Variants in CLTCL1 observed in about 807,000 individuals in gnomAD.
CLTCL1 encodes the protein clathrin heavy chain 2.
A neutral mutation model predicts 190.0 loss-of-function variants in CLTCL1; 159 were observed. The ratio of observed to expected loss-of-function variants is 0.84; its 90% CI spans 0.74 to 0.95. The LOEUF (loss-of-function observed/expected upper bound fraction) is 0.95, where lower values mean the gene tolerates loss of function less well. CLTCL1 is among the 40% of genes least tolerant of loss of function. The pLI is 0.00. For synonymous variants in CLTCL1, 752 were observed against 769.6 expected (o/e 0.98, Z 0.38); for missense variants, 1,878 against 2,033.4 (o/e 0.92, Z 1.47).
intron 19 of CLTCL1, among the ~76,000 whole-genome samples, chr22:19,211,074 G>C (rs1022997960): frequency 1.8e-5 from 2 of 114,068 alleles, no homozygotes; most frequent in Non-Finnish European, 3.4e-5. Context: ...AATTATAATA[G>C]ATGCATTCTT....
rs375719666 is a variant in CLTCL1 at position 19,188,057 on chromosome 22, C to T, written c.4358G>A (p.Arg1453Gln). Residue 1453 changes from arginine to glutamine, a missense_variant, in exon 28 of 33, where the codon CGG becomes CAG. Coordinates refer to ENST00000427926, the MANE Select transcript of CLTCL1 (RefSeq NM_007098.4). ...CTTGTTGTTGTGGCTCTGGACTGAC[C>T]GCAGGTAAGGCTTCACCAGGGGCAG... ...GQLPLVKPYL[R>Q]SVQSHNNKSV... 7.8e-5 allele frequency: 126 copies of T among 1,613,860 alleles called. No homozygotes were observed. The highest frequency in any genetic ancestry group is 9.3e-5 in the Non-Finnish European group (110 of 1,179,892).
At position 19,201,448 on chromosome 22, in the gene CLTCL1, G is replaced by C. The variant is rs1555939373; in HGVS notation, c.3646C>G (p.Leu1216Val). 3 of 1,613,882 alleles carry C rather than the reference G, an allele frequency of 1.9e-6. No individual in the cohort carries two copies. ...AAGTTAGAAACATTGCTATAGAGCAGCTTGGCAGCCTCGTACATTCCCTCC... is the reference window on the plus strand; with the variant it reads ...AAGTTAGAAACATTGCTATAGAGCACCTTGGCAGCCTCGTACATTCCCTCC... Reference protein sequence around the residue: ...YEEGMYEAAKLLYSNVSNFAR... With the variant: ...YEEGMYEAAKVLYSNVSNFAR... Residue 1216 changes from leucine (L) to valine (V), a missense_variant, in exon 23 of 33, where the codon CTG (leucine) becomes GTG (valine). Transcript: ENST00000427926.
chr22:19,238,479 C>A, intron 5 of CLTCL1: 1 of 198,856 alleles, frequency 5.0e-6, no homozygotes, highest in South Asian at 9.8e-5. Flanking sequence ...CAACAATATT[C>A]TGCTCCTCAA....
chr22:19,207,720 G>A lies in CLTCL1; in HGVS notation c.3600+434C>T, dbSNP rs1389572912. The A allele has an allele frequency of 4.7e-5, 22 of 470,046 alleles. No individual in the cohort carries two copies. The Middle Eastern group carries it at 2.2e-3, about 46-fold the overall frequency. 29.1% of individuals were successfully genotyped at this position (470,046 alleles called of 1,614,324 possible). ...TTGCTTGCATTACTGCCTGAGCTCC[G>A]CCTCCTGTTAGATCAGCAGCAGCAT... On this transcript the variant is annotated intron_variant, in intron 22 of 32. Coordinates refer to ENST00000427926, the MANE Select transcript of CLTCL1 (RefSeq NM_007098.4).
intron 29 of CLTCL1, chr22:19,184,395 CCT>C (rs1191353993): frequency 1.3e-5 from 6 of 447,520 alleles, no homozygotes; most frequent in African/African-American, 4.0e-5. Flanking sequence ...GCAGCACACA[CCT>C]CTGAGTTCCG....
At chr22:19,250,171 T>C (rs1256489180) in intron 3 of CLTCL1, among the ~76,000 whole-genome samples, 1 of 151,948 alleles carries the variant, frequency 6.6e-6, no homozygotes, top group African/African-American at 2.4e-5. Flanking sequence ...GGAGAATCAC[T>C]TGAATCTGGA....
At chr22:19,219,650 A>AGC (rs1270828320) in intron 18 of CLTCL1, among the ~76,000 whole-genome samples, 21 of 148,542 alleles carry the variant, frequency 1.4e-4, no homozygotes, top group Non-Finnish European at 2.2e-4. Flanking sequence ...TGTGCGGCTA[A>AGC]TTTTTGTATT....
intron 2 of CLTCL1, chr22:19,258,861 G>A (rs890269885): frequency 9.7e-6 from 5 of 516,428 alleles, no homozygotes; most frequent in East Asian, 3.6e-5. Context: ...AAAGTTCACA[G>A]GTTAAAAAAA....
chr22:19,196,690 G>C, intron 24 of CLTCL1, 34 bp from the exon 25 acceptor site: 1 of 1,590,564 alleles, frequency 6.3e-7, no homozygotes, highest in Non-Finnish European at 8.6e-7. Context: ...GGGGCAGAGT[G>C]ATTGCATGCC....
chr22:19,191,244 A>C, intron 27 of CLTCL1, 60 bp downstream of exon 27: 1 of 1,599,494 alleles, frequency 6.3e-7, no homozygotes, highest in South Asian at 1.1e-5. Context: ...GCTATCATTC[A>C]GATGACTTTG....
At chr22:19,184,613 C>G (rs566603521) in intron 29 of CLTCL1, 1 of 454,370 alleles carries the variant, frequency 2.2e-6, no homozygotes, top group African/African-American at 2.0e-5. Context: ...GGACCTGTGA[C>G]GCCCGCTCAT....
chr22:19,260,070 A>G (rs1165391485), intron 2 of CLTCL1, among the ~76,000 whole-genome samples: 3 of 152,250 alleles, frequency 2.0e-5, no homozygotes, highest in Admixed American at 2.0e-4. Context: ...CCCTTAAGCC[A>G]AAGCCTAATC....
At chr22:19,275,184 A>G (rs1294385823) in intron 2 of CLTCL1, among the ~76,000 whole-genome samples, 1 of 152,216 alleles carries the variant, frequency 6.6e-6, no homozygotes, top group Non-Finnish European at 1.5e-5. Flanking sequence ...AGACTCCCTG[A>G]TTTCAAGGAA....
At chr22:19,241,154 C>A (rs1225483288) in intron 4 of CLTCL1, among the ~76,000 whole-genome samples, 1 of 152,248 alleles carries the variant, frequency 6.6e-6, no homozygotes, top group Non-Finnish European at 1.5e-5. Flanking sequence ...GGTCCATCTC[C>A]AGCTCGGCTG....
intron 24 of CLTCL1, among the ~76,000 whole-genome samples, chr22:19,197,000 A>T (rs937426932): frequency 1.3e-5 from 2 of 152,166 alleles, no homozygotes; most frequent in African/African-American, 4.8e-5. Flanking sequence ...GCTACAGCTC[A>T]TTACTGAGAT....
At chr22:19,238,154 A>T (rs2086139256) in intron 5 of CLTCL1, among the ~76,000 whole-genome samples, 1 of 152,064 alleles carries the variant, frequency 6.6e-6, no homozygotes, top group Admixed American at 6.6e-5. Flanking sequence ...CAGTGGTGTG[A>T]TCTTGCCTCA....
chr22:19,246,613 A>G (rs1555968123), intron 3 of CLTCL1, among the ~76,000 whole-genome samples: 2 of 152,050 alleles, frequency 1.3e-5, no homozygotes, highest in African/African-American at 2.4e-5. Context: ...AGTAGCTGGG[A>G]TTAAAGGCAT....
Position 19,201,515 on chromosome 22 carries a change from G to T in CLTCL1, c.3601-22C>A. On this transcript the variant is annotated intron_variant, in intron 22 of 32. Transcript: ENST00000427926. Reference sequence around the variant, plus strand: ...CAACCTACGGATAATAGGGTAGCTCGACTGAGACACTCTTCAATGGGAAGA... The same window carrying T: ...CAACCTACGGATAATAGGGTAGCTCTACTGAGACACTCTTCAATGGGAAGA... 3 of 1,598,154 alleles carry T rather than the reference G, an allele frequency of 1.9e-6. No homozygotes were observed. In the South Asian group the frequency reaches 3.3e-5, roughly 18 times the overall value.
intron 25 of CLTCL1, 21 bp downstream of exon 25, chr22:19,196,468 A>T: frequency 6.2e-7 from 1 of 1,613,958 alleles, no homozygotes; most frequent in Middle Eastern, 1.6e-4. Context: ...CGGCTGCCAG[A>T]CTGCAAGGAG....
Sources: allele counts gnomAD v4.1 joint callset (sites outside exome capture counted in the v4.1 genomes callset), GRCh38; gene constraint gnomAD v4.1.1; transcripts MANE v1.5; gene names NCBI Gene and HGNC (gene_info 2026-07-23, HGNC 2026-07-21).